Variants in PCNX1 observed in about 807,000 individuals in gnomAD.
The protein encoded by PCNX1 is pecanex 1, also known as pecanex-like protein 1.
Under a neutral mutation model 242.2 loss-of-function variants are expected in PCNX1, and 78 were observed. The observed-to-expected ratio is 0.32, with a 90% CI of 0.27 to 0.39. The LOEUF is 0.39. Ranked by LOEUF, PCNX1 falls within the 10% of genes least tolerant of loss-of-function variation. PCNX1 has a pLI of 1.00. For missense variants in PCNX1, 2,581 were observed against 2,856.5 expected (o/e 0.90, Z 2.20); for synonymous variants, 1,024 against 1,032.9 (o/e 0.99, Z 0.17).
At chr14:71,096,178 C>T (rs967437281) in intron 30 of PCNX1, among the ~76,000 whole-genome samples, 26 of 152,218 alleles carry the variant, frequency 1.7e-4, no homozygotes, top group African/African-American at 5.5e-4. Flanking sequence ...ATTAGCTGGA[C>T]GTGGCAGTGT....
intron 25 of PCNX1, among the ~76,000 whole-genome samples, chr14:71,055,790 G>A (rs1487825508): frequency 6.6e-6 from 1 of 152,112 alleles, no homozygotes; most frequent in Non-Finnish European, 1.5e-5. Context: ...TTATAAGAAT[G>A]AAAAATTCCA....
intron 8 of PCNX1, among the ~76,000 whole-genome samples, chr14:71,001,146 C>T (rs2059494069): frequency 1.8e-5 from 2 of 110,036 alleles, no homozygotes; most frequent in South Asian, 5.3e-4. Context: ...AATATTATAT[C>T]ATTATTTAAT....
intron 23 of PCNX1, among the ~76,000 whole-genome samples, chr14:71,051,251 C>T (rs1037326109): frequency 4.1e-5 from 6 of 144,628 alleles, no homozygotes; most frequent in African/African-American, 1.5e-4. Flanking sequence ...CTTGTATTAA[C>T]ATCTGTGGCC....
intron 28 of PCNX1, among the ~76,000 whole-genome samples, chr14:71,079,869 A>C (rs948841962): frequency 1.3e-5 from 2 of 152,100 alleles, no homozygotes; most frequent in Non-Finnish European, 1.5e-5. Context: ...GAAGCTTTTT[A>C]GTTTAATTAG....
In PCNX1 at chr14:70,947,098, A is replaced by G; in HGVS notation, c.337A>G (p.Arg113Gly). 1 of 1,612,104 alleles carries G rather than the reference A, an allele frequency of 6.2e-7. No homozygotes were observed. Among genetic ancestry groups the G allele is most frequent in the Non-Finnish European group, 8.5e-7 (1 of 1,179,000 alleles). The change falls in exon 2 of 36, where the codon AGG becomes GGG. Residue 113 changes from arginine (R) to glycine (G), a missense_variant. This residue lies in a region of PCNX1 where 1,204 missense variants were observed against 1,216.7 expected (regional missense o/e 0.99). Transcript: ENST00000304743. ...TKAEQGNCST[R>G]RKDSNGPSDP... is the part of the protein sequence containing the mutation. ...AGCTGAACAAGGCAACTGTTCAACC[A>G]GGAGAAAAGACAGCAATGGACCGAG... is the stretch of plus-strand genomic sequence containing the variant.
At chr14:70,995,595 A>G in intron 7 of PCNX1, 146 bp from the exon 8 acceptor site, 2 of 623,794 alleles carry the variant, frequency 3.2e-6, no homozygotes, top group Non-Finnish European at 5.6e-6. Context: ...TGTAATCTGT[A>G]TATTTTGCAA....
chr14:71,036,669 C>T (rs1283684433), intron 19 of PCNX1, among the ~76,000 whole-genome samples: 6 of 152,276 alleles, frequency 3.9e-5, no homozygotes, highest in Admixed American at 3.3e-4. Flanking sequence ...ATGACATTGC[C>T]TAAACACACA....
chr14:70,970,354 AG>A (rs1200065923), intron 5 of PCNX1, among the ~76,000 whole-genome samples: 8 of 152,098 alleles, frequency 5.3e-5, no homozygotes, highest in African/African-American at 1.9e-4. Context: ...CAACAGAGGG[AG>A]ACCCTTTCTC....
intron 12 of PCNX1, among the ~76,000 whole-genome samples, chr14:71,020,363 CT>C (rs2060068187): frequency 6.6e-6 from 1 of 152,188 alleles, no homozygotes; most frequent in South Asian, 2.1e-4. Flanking sequence ...GCCACACTGT[CT>C]TTCATAATGG....
chr14:70,978,600 A>G lies in PCNX1; in HGVS notation c.2263A>G (p.Asn755Asp). 6.2e-7 allele frequency: 1 copy of G among 1,613,986 alleles called. No homozygotes were observed. ...CACTCGATCTAGGAATAGCTTGCCAAACCAGGTTGCATTTCCTGAAGGGGA... is the reference window on the plus strand; with the variant it reads ...CACTCGATCTAGGAATAGCTTGCCAGACCAGGTTGCATTTCCTGAAGGGGA... ...TVTRSRNSLP[N>D]QVAFPEGEEQ... The change falls in exon 6 of 36, where the codon AAC becomes GAC. Residue 755 changes from asparagine (N) to aspartate (D), a missense_variant. Asn to Asp is a conservative substitution (Grantham distance 23). This residue lies in a region of PCNX1 where 1,204 missense variants were observed against 1,216.7 expected (regional missense o/e 0.99). Coordinates refer to ENST00000304743, the MANE Select transcript of PCNX1 (RefSeq NM_014982.3).
intron 1 of PCNX1, among the ~76,000 whole-genome samples, chr14:70,936,671 G>C (rs1379517160): frequency 6.6e-6 from 1 of 152,130 alleles, no homozygotes; most frequent in South Asian, 2.1e-4. Flanking sequence ...TGGGTCAAAT[G>C]GTATCTCTAG....
chr14:71,067,140 G>C (rs2061467744), intron 26 of PCNX1, among the ~76,000 whole-genome samples: 1 of 151,914 alleles, frequency 6.6e-6, no homozygotes, highest in Non-Finnish European at 1.5e-5. Flanking sequence ...ATGAGTTAGT[G>C]AGGAGTCCCT....
chr14:71,036,351 C>CT (rs1254664690), intron 19 of PCNX1, among the ~76,000 whole-genome samples, 194 bp downstream of exon 19: 3 of 151,960 alleles, frequency 2.0e-5, no homozygotes, highest in African/African-American at 7.3e-5. Context: ...ATTTTTTCTT[C>CT]TTTTTTTGTA....
chr14:71,074,627 T>G (rs1268627603), intron 27 of PCNX1, among the ~76,000 whole-genome samples: 2 of 152,162 alleles, frequency 1.3e-5, no homozygotes, highest in Non-Finnish European at 2.9e-5. Context: ...GAGCTTGGTG[T>G]CCTGTCACGT....
At chr14:70,938,963 A>ATAGGTGGT (rs1245835265) in intron 1 of PCNX1, among the ~76,000 whole-genome samples, 1 of 152,106 alleles carries the variant, frequency 6.6e-6, no homozygotes, top group Non-Finnish European at 1.5e-5. Context: ...TTTCTGTGGG[A>ATAGGTGGT]TAGGTGGTGA....
chr14:71,001,200 C>T (rs1401519054), intron 8 of PCNX1, among the ~76,000 whole-genome samples: 2 of 152,108 alleles, frequency 1.3e-5, no homozygotes, highest in Non-Finnish European at 2.9e-5. Flanking sequence ...CCTGATATTT[C>T]CTATTGCAGT....
At chr14:70,981,893 G>A (rs1223855828) in intron 6 of PCNX1, among the ~76,000 whole-genome samples, 2 of 152,090 alleles carry the variant, frequency 1.3e-5, no homozygotes, top group African/African-American at 4.8e-5. Flanking sequence ...GAGTGGAGAG[G>A]TTTGTGTTTA....
At chr14:71,035,765 T>G (rs1462318170) in intron 18 of PCNX1, among the ~76,000 whole-genome samples, 6 of 151,798 alleles carry the variant, frequency 4.0e-5, no homozygotes. Context: ...AAATATTAGC[T>G]GGGTATGGTG....
intron 11 of PCNX1, among the ~76,000 whole-genome samples, chr14:71,015,947 CT>C (rs1217204728): frequency 6.6e-6 from 1 of 152,114 alleles, no homozygotes; most frequent in Non-Finnish European, 1.5e-5. Flanking sequence ...GATCTCAGCA[CT>C]TTGGGAGTCT....
Sources: allele counts gnomAD v4.1 joint callset (sites outside exome capture counted in the v4.1 genomes callset), GRCh38; gene constraint gnomAD v4.1.1; regional missense constraint gnomAD v4.1.1; transcripts MANE v1.5; gene names NCBI Gene and HGNC (gene_info 2026-07-23, HGNC 2026-07-21).